RABGGTB: variants seen among roughly 807,000 people sequenced by gnomAD.
RABGGTB encodes the protein Rab geranylgeranyltransferase subunit beta.
RABGGTB carries 20 observed loss-of-function variants against 44.5 expected under a neutral mutation model. That is an observed-to-expected ratio of 0.45 (90% CI 0.32 to 0.65). RABGGTB has a LOEUF of 0.65. Ranked by LOEUF, RABGGTB falls within the 30% of genes least tolerant of loss-of-function variation. The probability of loss-of-function intolerance (pLI) is 0.05; values close to 1 mark genes in which losing one functional copy is unlikely to be tolerated. For synonymous variants in RABGGTB, 128 were observed against 136.7 expected (o/e 0.94, Z 0.44); for missense variants, 302 against 398.7 (o/e 0.76, Z 2.06).
chr1:75,791,507 T>C lies in RABGGTB; in HGVS notation c.515T>C (p.Leu172Ser). The change falls in exon 6 of 9, where the codon TTA (leucine) becomes TCA (serine). Residue 172 changes from leucine (L) to serine (S), a missense_variant. Leu to Ser is a moderately radical substitution (Grantham distance 145, BLOSUM62 -2). This residue lies in a region of RABGGTB where 213 missense variants were observed against 323.7 expected (regional missense o/e 0.66). Transcript: ENST00000319942. ...INVEKAIEFVLSCMNFDGGFG... is the reference protein window; with the variant it reads ...INVEKAIEFVSSCMNFDGGFG... ...GTGGAAAAGGCAATCGAATTTGTTT[T>C]ATCCTGTATGAACTTTGACGGTGGA... 3 of 1,613,630 alleles carry C rather than the reference T, an allele frequency of 1.9e-6. No individual in the cohort carries two copies. The highest frequency in any genetic ancestry group is 2.5e-6 in the Non-Finnish European group (3 of 1,179,980).
At chr1:75,787,853 G>C in intron 2 of RABGGTB, 1 of 690,972 alleles carries the variant, frequency 1.4e-6, no homozygotes. Flanking sequence ...GTACAAAACG[G>C]GTTTCTCTTT....
chr1:75,787,810 G>A, intron 2 of RABGGTB: 1 of 687,624 alleles, frequency 1.5e-6, no homozygotes, highest in Admixed American at 2.1e-5. Context: ...TATACTGAGA[G>A]GGCTTGCCAG....
chr1:75,794,629 T>TC lies in RABGGTB; in HGVS notation c.976dup (p.Gln326ProfsTer3), dbSNP rs1385862072. 6.2e-7 allele frequency: 1 copy of TC among 1,611,086 alleles called. No homozygotes were observed. Among genetic ancestry groups the TC allele is most frequent in the Admixed American group, 1.7e-5 (1 of 59,742 alleles). On this transcript the variant is annotated frameshift_variant, in exon 9 of 9. Coordinates refer to ENST00000319942, the MANE Select transcript of RABGGTB (RefSeq NM_004582.4). LOFTEE classifies it high-confidence loss of function. ...AAGAAGTGCTTCAGAGAGTGAATGT[T>TC]CAGCCTGAGCTAGTGAGCTAGATTC... is the stretch of plus-strand genomic sequence containing the variant.
chr1:75,794,342 T>G, intron 8 of RABGGTB, 109 bp downstream of exon 8: 1 of 1,383,524 alleles, frequency 7.2e-7, no homozygotes, highest in South Asian at 1.5e-5. Flanking sequence ...GAAAGCAGTT[T>G]TTTTTTCTAT....
intron 2 of RABGGTB, chr1:75,788,924 A>G: frequency 5.6e-6 from 3 of 533,232 alleles, no homozygotes; most frequent in Non-Finnish European, 6.6e-6. Context: ...ATTGTCAGCC[A>G]TAGATTAACT....
chr1:75,789,538 A>G (rs750405053), intron 3 of RABGGTB, 182 bp downstream of exon 3: 1 of 794,382 alleles, frequency 1.3e-6, no homozygotes, highest in Non-Finnish European at 2.2e-6. Context: ...CTAAAATTAC[A>G]CTGAGACCTT....
chr1:75,794,448 C>A, intron 8 of RABGGTB, 62 bp from the exon 9 acceptor site: 1 of 1,506,280 alleles, frequency 6.6e-7, no homozygotes, highest in South Asian at 1.2e-5. Context: ...GTCAGGTATT[C>A]ATAATTTGAA....
intron 2 of RABGGTB, 90 bp downstream of exon 2, chr1:75,787,694 A>G: frequency 9.9e-7 from 1 of 1,009,602 alleles, no homozygotes; most frequent in Non-Finnish European, 1.5e-6. Context: ...TTAAAATGGC[A>G]TCCAACTCCA....
At position 75,791,497 on chromosome 1, in the gene RABGGTB, G is replaced by A. The variant is rs761094098; in HGVS notation, c.505G>A (p.Glu169Lys). 8.1e-6 allele frequency: 13 copies of A among 1,612,976 alleles called. No homozygotes were observed. The highest frequency in any genetic ancestry group is 4.4e-5 in the South Asian group (4 of 90,874). Residue 169 changes from glutamate to lysine, a missense_variant, in exon 6 of 9, where the codon GAA (glutamate) becomes AAA (lysine). Around this residue, in one of 2 missense-constraint regions of RABGGTB, gnomAD observed 213 missense variants for 323.7 expected, o/e 0.66. Transcript: ENST00000319942. ...LDAINVEKAI[E>K]FVLSCMNFDG... is the part of the protein sequence containing the mutation. Reference sequence around the variant, plus strand: ...TGCTATTAATGTGGAAAAGGCAATCGAATTTGTTTTATCCTGTATGAACTT... The same window carrying A: ...TGCTATTAATGTGGAAAAGGCAATCAAATTTGTTTTATCCTGTATGAACTT...
intron 4 of RABGGTB, 159 bp downstream of exon 4, chr1:75,790,216 G>A: frequency 1.4e-6 from 2 of 1,438,968 alleles, no homozygotes; most frequent in Non-Finnish European, 1.8e-6. Flanking sequence ...ATGCACTGTG[G>A]TAGTTATATC....
intron 8 of RABGGTB, 36 bp from the exon 9 acceptor site, chr1:75,794,474 A>AT: frequency 6.4e-7 from 1 of 1,570,196 alleles, no homozygotes; most frequent in Non-Finnish European, 8.7e-7. Flanking sequence ...AGAAGTTTTC[A>AT]TTTTGTGATC....
Position 75,787,523 on chromosome 1 carries a change from C to G in RABGGTB, c.30C>G (p.Ile10Met). The change falls in exon 2 of 9, where the codon ATC (isoleucine) becomes ATG (methionine). Residue 10 changes from isoleucine to methionine, a missense_variant. Physicochemically the swap from Ile to Met is conservative, Grantham distance 10 (BLOSUM62 1). Around this residue, in one of 2 missense-constraint regions of RABGGTB, gnomAD observed 89 missense variants for 75.0 expected, o/e 1.19. Coordinates refer to ENST00000319942, the MANE Select transcript of RABGGTB (RefSeq NM_004582.4). ...GCACTCCACAGAAGGATGTTATTATCAAGTCAGATGCACCGGACACTTTGT... is the reference window on the plus strand; with the variant it reads ...GCACTCCACAGAAGGATGTTATTATGAAGTCAGATGCACCGGACACTTTGT... Reference protein sequence around the residue: MGTPQKDVIIKSDAPDTLLL... With the variant: MGTPQKDVIMKSDAPDTLLL... 1.2e-6 allele frequency: 2 copies of G among 1,613,854 alleles called. No individual in the cohort carries two copies. The highest frequency in any genetic ancestry group is 1.7e-6 in the Non-Finnish European group (2 of 1,179,788).
intron 2 of RABGGTB, chr1:75,788,022 ATCTTAGC>A: frequency 2.2e-6 from 1 of 463,278 alleles, no homozygotes; most frequent in African/African-American, 2.0e-5. Context: ...CTCTGGGACA[ATCTTAGC>A]AAAAAGTAGT....
At chr1:75,788,233 A>G (rs2100483935) in intron 2 of RABGGTB, 1 of 189,142 alleles carries the variant, frequency 5.3e-6, no homozygotes, top group Non-Finnish European at 1.1e-5. Context: ...TTCTGCCTTT[A>G]TCTGCTATCT....
chr1:75,789,942 T>G lies in RABGGTB; in HGVS notation c.310-10T>G, dbSNP rs1256851116. On this transcript the variant is annotated splice_polypyrimidine_tract_variant and intron_variant, in intron 3 of 8. Transcript: ENST00000319942. Reference sequence around the variant, plus strand: ...AAGGGACATTTACCTAATACTTGTCTTTATTGCAGATTCTTACGCTGTATG... The same window carrying G: ...AAGGGACATTTACCTAATACTTGTCGTTATTGCAGATTCTTACGCTGTATG... 1.9e-6 allele frequency: 3 copies of G among 1,583,312 alleles called. No homozygotes were observed. The highest frequency in any genetic ancestry group is 2.6e-6 in the Non-Finnish European group (3 of 1,154,228).
At chr1:75,786,764 G>T in intron 1 of RABGGTB, 1 of 292,676 alleles carries the variant, frequency 3.4e-6, no homozygotes, top group Non-Finnish European at 6.6e-6. Flanking sequence ...GCATCACATG[G>T]GGACTTCTGC....
At chr1:75,791,853 A>T in intron 6 of RABGGTB, 1 of 409,068 alleles carries the variant, frequency 2.4e-6, no homozygotes, top group Non-Finnish European at 4.3e-6. Flanking sequence ...ATACAGATAA[A>T]AAAAAAAACA....
At position 75,790,687 on chromosome 1, in the gene RABGGTB, G is replaced by A. The variant is rs530670059; in HGVS notation, c.416-598G>A. Among the ~76,000 whole-genome samples, 9 of 152,236 alleles carry A rather than the reference G, an allele frequency of 5.9e-5. No individual in the cohort carries two copies. The South Asian group carries it at 1.7e-3, about 28-fold the overall frequency. Reference sequence around the variant, plus strand: ...TCCAGGTTGGAGTGCAGTATTTTGGGAGACAGTTGCTGGGGCTGGAGAGCT... The same window carrying A: ...TCCAGGTTGGAGTGCAGTATTTTGGAAGACAGTTGCTGGGGCTGGAGAGCT... On this transcript the variant is annotated intron_variant, in intron 4 of 8. Coordinates refer to ENST00000319942, the MANE Select transcript of RABGGTB (RefSeq NM_004582.4).
chr1:75,787,266 C>A, intron 1 of RABGGTB: 1 of 629,570 alleles, frequency 1.6e-6, no homozygotes, highest in Admixed American at 2.5e-5. Context: ...GGTCTCCGGT[C>A]GCCCAGGATG....
Sources: allele counts gnomAD v4.1 joint callset (sites outside exome capture counted in the v4.1 genomes callset), GRCh38; gene constraint gnomAD v4.1.1; regional missense constraint gnomAD v4.1.1; transcripts MANE v1.5; gene names NCBI Gene and HGNC (gene_info 2026-07-23, HGNC 2026-07-21).